Variants in IRS2 observed in about 807,000 individuals in gnomAD.
IRS2 encodes insulin receptor substrate 2.
A neutral mutation model predicts 70.9 loss-of-function variants in IRS2; 28 were observed. That is an observed-to-expected ratio of 0.39 (90% CI 0.29 to 0.54). IRS2 has a LOEUF of 0.54. Among genes scored for constraint, IRS2 ranks in the 20% least tolerant of loss-of-function variants. IRS2 has a pLI of 0.59. For synonymous variants in IRS2, 1,217 were observed against 981.9 expected, an observed-to-expected ratio of 1.24 and a Z score of -4.48; for missense variants, 2,081 against 2,024.1, an observed-to-expected ratio of 1.03 and a Z score of -0.54.
At chr13:109,770,817 C>T (rs1181193862) in intron 1 of IRS2, among the ~76,000 whole-genome samples, 5 of 152,216 alleles carry the variant, frequency 3.3e-5, no homozygotes, top group Non-Finnish European at 7.3e-5. Context: ...ACTCTCAATA[C>T]ATTGATTGGC....
chr13:109,760,440 G>T (rs1877201226), intron 1 of IRS2, among the ~76,000 whole-genome samples: 1 of 152,200 alleles, frequency 6.6e-6, no homozygotes, highest in Admixed American at 6.5e-5. Context: ...ACGTTGCTTT[G>T]TGAGGAAATC....
chr13:109,784,157 C>G lies in IRS2; in HGVS notation c.1897G>C (p.Gly633Arg), dbSNP rs760629200. 7.5e-6 allele frequency: 12 copies of G among 1,589,986 alleles called. No individual in the cohort carries two copies. Among genetic ancestry groups the G allele is most frequent in the Non-Finnish European group, 1.0e-5 (12 of 1,173,684 alleles). The change falls in exon 1 of 2, where the codon GGA becomes CGA. Residue 633 changes from glycine to arginine, a missense_variant. Physicochemically the swap from Gly to Arg is moderately radical, Grantham distance 125 (BLOSUM62 -2). Transcript: ENST00000375856. This position sits in a 1 kb window ranked among gnomAD's most constrained non-coding sequence, Gnocchi z 5.2. ...CTGTGGGAGCCGATCTCGATGTCTC[C>G]GTAGTCCTCTGGGTAGGGGTGGTAG... ...VAYHPYPEDYGDIEIGSHRSS... is the reference protein window; with the variant it reads ...VAYHPYPEDYRDIEIGSHRSS...
chr13:109,776,164 A>AG (rs2138924006), intron 1 of IRS2, among the ~76,000 whole-genome samples: 1 of 151,956 alleles, frequency 6.6e-6, no homozygotes, highest in African/African-American at 2.4e-5. Context: ...AAAAAAAAGA[A>AG]AAAAACCCAG....
At chr13:109,778,342 A>G (rs1346705566) in intron 1 of IRS2, among the ~76,000 whole-genome samples, 1 of 152,216 alleles carries the variant, frequency 6.6e-6, no homozygotes, top group East Asian at 1.9e-4. Context: ...GCTTCCTTCT[A>G]TGAAGTACTA....
rs1232020605 is a variant in IRS2 at position 109,783,639 on chromosome 13, G to A, written c.2415C>T (p.Ser805=). Reference sequence around the variant, plus strand: ...AGGGGGCCTTGTAGGAGCGGGGCAAGGAGCTGTAGCAGCAGCCGGGAACGC... The same window carrying A: ...AGGGGGCCTTGTAGGAGCGGGGCAAAGAGCTGTAGCAGCAGCCGGGAACGC... ...LRGVPGCCYS[S]LPRSYKAPYT... is the part of the protein sequence containing the mutation. The change falls in exon 1 of 2, where the codon TCC becomes TCT. Residue 805 remains serine (S), a synonymous_variant. Coordinates refer to ENST00000375856, the MANE Select transcript of IRS2 (RefSeq NM_003749.3). The A allele has an allele frequency of 1.9e-6, 3 of 1,552,176 alleles. No individual in the cohort carries two copies. The highest frequency in any genetic ancestry group is 4.8e-5 in the East Asian group (2 of 41,300).
rs1470220436 is a variant in IRS2 at position 109,754,146 on chromosome 13, G to GT, written c.*2157dup. 4.3e-6 allele frequency: 1 copy of GT among 231,958 alleles called. No individual in the cohort carries two copies. The highest frequency in any genetic ancestry group is 2.2e-5 in the African/African-American group (1 of 45,230). The allele number at this position is 231,958 out of a possible 1,614,324, so 14.4% of individuals were successfully genotyped here. A position where few individuals can be genotyped will look rare whatever the true frequency, so the allele number is the denominator to read the frequency against. On this transcript the variant is annotated 3_prime_UTR_variant, in exon 2 of 2. Transcript: ENST00000375856. ...TAGCAAAAAATATTTTAAATTTAAG[G>GT]TAAGTCAGGCAAAATGTACAAAGAC...
In IRS2 at chr13:109,754,641, G is replaced by A. The variant is rs1877064066; in HGVS notation, c.*1663C>T. ...AAAAGTAAAACCTTAAAAATGTTCA[G>A]GGAGATCACTTTACATTCAACTTTG... On this transcript the variant is annotated 3_prime_UTR_variant, in exon 2 of 2. Transcript: ENST00000375856. The A allele has an allele frequency of 5.0e-6, 1 of 199,350 alleles. No homozygotes were observed. The highest frequency in any genetic ancestry group is 1.0e-5 in the Non-Finnish European group (1 of 96,464). The allele number at this position is 199,350 out of a possible 1,614,324, so 12.3% of individuals were successfully genotyped here.
chr13:109,785,364 C>T lies in IRS2; in HGVS notation c.690G>A (p.Lys230=). The change falls in exon 1 of 2, where the codon AAG becomes AAA. Residue 230 remains lysine (K), a synonymous_variant. Coordinates refer to ENST00000375856, the MANE Select transcript of IRS2 (RefSeq NM_003749.3). This position sits in a 1 kb window ranked among gnomAD's most constrained non-coding sequence, Gnocchi z 9.3. The part of the protein sequence containing the change: ...CLSARTIGFV[K]LNCEQPSVTL... ...TCACCGACGGCTGCTCGCAGTTGAGCTTCACGAAGCCGATGGTGCGCGCAG... is the reference window on the plus strand; with the variant it reads ...TCACCGACGGCTGCTCGCAGTTGAGTTTCACGAAGCCGATGGTGCGCGCAG... 1 of 1,612,288 alleles carries T rather than the reference C, an allele frequency of 6.2e-7. No homozygotes were observed. Among genetic ancestry groups the T allele is most frequent in the Non-Finnish European group, 8.5e-7 (1 of 1,179,810 alleles).
chr13:109,784,732 G>A lies in IRS2; in HGVS notation c.1322C>T (p.Ala441Val), dbSNP rs1305352160. Residue 441 changes from alanine to valine, a missense_variant, in exon 1 of 2, where the codon GCC becomes GTC. By Grantham distance (64) the Ala-to-Val change is moderately conservative. Around this residue, in one of 4 missense-constraint regions of IRS2, gnomAD observed 1,615 missense variants for 1,459.5 expected, o/e 1.11. Transcript: ENST00000375856. The surrounding 1 kb of genome is among the most constrained non-coding windows in gnomAD (Gnocchi z 5.2). ...MSMPVAHSPP[A>V]ATSPGSLSSS... Reference sequence around the variant, plus strand: ...CGACAGGGAGCCGGGGCTGGTGGCGGCGGGCGGCGAGTGCGCCACGGGCAT... The same window carrying A: ...CGACAGGGAGCCGGGGCTGGTGGCGACGGGCGGCGAGTGCGCCACGGGCAT... 8.1e-7 allele frequency: 1 copy of A among 1,233,408 alleles called. No individual in the cohort carries two copies. The highest frequency in any genetic ancestry group is 1.0e-6 in the Non-Finnish European group (1 of 989,144). The allele number at this position is 1,233,408 out of a possible 1,614,324, so 76.4% of individuals were successfully genotyped here.
In IRS2 at chr13:109,753,925, A is replaced by G; in HGVS notation, c.*2379T>C. The G allele has an allele frequency of 4.3e-6, 1 of 231,870 alleles. No individual in the cohort carries two copies. The highest frequency in any genetic ancestry group is 5.6e-5 in the Admixed American group (1 of 17,742). The allele number at this position is 231,870 out of a possible 1,614,324, so 14.4% of individuals were successfully genotyped here. A position where few individuals can be genotyped will look rare whatever the true frequency, so the allele number is the denominator to read the frequency against. ...CAATACAGACTAAATACAATGCACT[A>G]TTCTAGTCCAGTTTATTCTCGTCTC... is the stretch of plus-strand genomic sequence containing the variant. On this transcript the variant is annotated 3_prime_UTR_variant, in exon 2 of 2. Transcript: ENST00000375856.
rs2138930355 is a variant in IRS2, at chr13:109,782,665, T to G, written c.3389A>C (p.His1130Pro). The change falls in exon 1 of 2, where the codon CAC becomes CCC. Residue 1130 changes from histidine (H) to proline (P), a missense_variant. His to Pro is a moderately conservative substitution (Grantham distance 77). Coordinates refer to ENST00000375856, the MANE Select transcript of IRS2 (RefSeq NM_003749.3). Reference sequence around the variant, plus strand: ...TGCGCGGATGACCTTGGCGCCGCGGTGGGGGTCCGGGGGCTGGCTGGCCTG... The same window carrying G: ...TGCGCGGATGACCTTGGCGCCGCGGGGGGGGTCCGGGGGCTGGCTGGCCTG... ...FLQASQPPDP[H>P]RGAKVIRADP... 1 of 1,570,340 alleles carries G rather than the reference T, an allele frequency of 6.4e-7. No homozygotes were observed. Among genetic ancestry groups the G allele is most frequent in the Non-Finnish European group, 8.6e-7 (1 of 1,160,164 alleles).
chr13:109,766,133 A>C lies in IRS2; in HGVS notation c.4013-9825T>G, dbSNP rs373768700. Among the ~76,000 whole-genome samples, 38 of 11,788 alleles carry C rather than the reference A, an allele frequency of 3.2e-3. 3 individuals carry two copies. The highest frequency in any genetic ancestry group is 4.6e-3 in the Non-Finnish European group (31 of 6,780). The allele number at this position is 11,788 out of a possible 152,430, so 7.7% of individuals were successfully genotyped here. On this transcript the variant is annotated intron_variant, in intron 1 of 1. Coordinates refer to ENST00000375856, the MANE Select transcript of IRS2 (RefSeq NM_003749.3). ...CCCAGCCTCATCCACCTTGGCTCCG[A>C]CTCCCCACCAAGCATGTAGATATCC...
At position 109,782,982 on chromosome 13, in the gene IRS2, G is replaced by A; in HGVS notation, c.3072C>T (p.Ser1024=). 1 of 1,376,282 alleles carries A rather than the reference G, an allele frequency of 7.3e-7. No individual in the cohort carries two copies. Among genetic ancestry groups the A allele is most frequent in the Non-Finnish European group, 9.4e-7 (1 of 1,069,060 alleles). 85.3% of individuals were successfully genotyped at this position (1,376,282 alleles called of 1,614,324 possible). ...GCGGCGGCTGCAGAGACGACGACGG[G>A]GACGCGGACGGACGCGGGGGCAACG... ...YPPLPPRPSA[S]PSSSLQPPPP... is the part of the protein sequence containing the mutation. Residue 1024 remains serine (S), a synonymous_variant, in exon 1 of 2, where the codon TCC becomes TCT. Coordinates refer to ENST00000375856, the MANE Select transcript of IRS2 (RefSeq NM_003749.3).
intron 1 of IRS2, among the ~76,000 whole-genome samples, chr13:109,757,569 C>T (rs1242065529): frequency 6.6e-6 from 1 of 152,126 alleles, no homozygotes; most frequent in Non-Finnish European, 1.5e-5. Context: ...GCTATAGCCC[C>T]CCAAAAACCC....
chr13:109,784,146 C>G lies in IRS2; in HGVS notation c.1908G>C (p.Glu636Asp), dbSNP rs1877833695. 3 of 1,592,380 alleles carry G rather than the reference C, an allele frequency of 1.9e-6. No homozygotes were observed. Among genetic ancestry groups the G allele is most frequent in the Non-Finnish European group, 1.7e-6 (2 of 1,175,614 alleles). The part of the protein sequence containing the change: ...HPYPEDYGDI[E>D]IGSHRSSSSN... ...TGCTGGAGCTCCTGTGGGAGCCGAT[C>G]TCGATGTCTCCGTAGTCCTCTGGGT... The change falls in exon 1 of 2, where the codon GAG becomes GAC. Residue 636 changes from glutamate (E) to aspartate (D), a missense_variant. Coordinates refer to ENST00000375856, the MANE Select transcript of IRS2 (RefSeq NM_003749.3). This position sits in a 1 kb window ranked among gnomAD's most constrained non-coding sequence, Gnocchi z 5.2.
intron 1 of IRS2, among the ~76,000 whole-genome samples, chr13:109,775,328 A>G (rs1019196023): frequency 7.9e-5 from 12 of 151,962 alleles, no homozygotes; most frequent in Middle Eastern, 3.2e-3. Context: ...CATGTTGGCC[A>G]GGCTGGTCTT....
chr13:109,775,657 A>C (rs1877555303), intron 1 of IRS2, among the ~76,000 whole-genome samples: 4 of 152,034 alleles, frequency 2.6e-5, no homozygotes, highest in Admixed American at 2.6e-4. Context: ...AAGTTTCAAC[A>C]TGAACAAAGA....
intron 1 of IRS2, among the ~76,000 whole-genome samples, chr13:109,758,058 C>G (rs1877145963): frequency 6.6e-6 from 1 of 152,188 alleles, no homozygotes. Flanking sequence ...TGAACCTTAA[C>G]AGAATTAATT....
chr13:109,782,995 C>A lies in IRS2; in HGVS notation c.3059G>T (p.Arg1020Leu). 1 of 1,369,418 alleles carries A rather than the reference C, an allele frequency of 7.3e-7. No homozygotes were observed. Among genetic ancestry groups the A allele is most frequent in the Non-Finnish European group, 9.4e-7 (1 of 1,065,506 alleles). The allele number at this position is 1,369,418 out of a possible 1,614,324, so 84.8% of individuals were successfully genotyped here. ...AGACGACGACGGGGACGCGGACGGACGCGGGGGCAACGGCGGATACGGGGA... is the reference window on the plus strand; with the variant it reads ...AGACGACGACGGGGACGCGGACGGAAGCGGGGGCAACGGCGGATACGGGGA... ...ASSPYPPLPP[R>L]PSASPSSSLQ... is the part of the protein sequence containing the mutation. The change falls in exon 1 of 2, where the codon CGT becomes CTT. Residue 1020 changes from arginine (R) to leucine (L), a missense_variant. Arg to Leu is a moderately radical substitution (Grantham distance 102). Coordinates refer to ENST00000375856, the MANE Select transcript of IRS2 (RefSeq NM_003749.3).
Sources: gnomAD v4.1 joint callset for allele counts (sites outside exome capture counted in the v4.1 genomes callset) on GRCh38, gnomAD v4.1.1 for gene constraint, gnomAD v4.1.1 regional missense constraint, Gnocchi (gnomAD v3.1) non-coding constraint, MANE v1.5 for transcripts, NCBI Gene and HGNC (gene_info 2026-07-23, HGNC 2026-07-21) for gene names.